ANKS1B: variants seen among roughly 807,000 people sequenced by gnomAD.
The protein encoded by ANKS1B is ankyrin repeat and sterile alpha motif domain-containing protein 1B.
A neutral mutation model predicts 148.3 loss-of-function variants in ANKS1B; 36 were observed. The ratio of observed to expected loss-of-function variants is 0.24; its 90% CI spans 0.19 to 0.32. ANKS1B has a LOEUF of 0.32. Among genes scored for constraint, ANKS1B ranks in the 10% least tolerant of loss-of-function variants. The pLI is 1.00. For missense variants in ANKS1B, 1,157 were observed against 1,542.6 expected, an observed-to-expected ratio of 0.75 and a Z score of 4.19; for synonymous variants, 542 against 560.8, an observed-to-expected ratio of 0.97 and a Z score of 0.47.
chr12:99,531,393 A>C (rs566797450), intron 9 of ANKS1B, among the ~76,000 whole-genome samples: 1 of 152,286 alleles, frequency 6.6e-6, no homozygotes, highest in South Asian at 2.1e-4. Context: ...TCCAGTGTCA[A>C]CTACACCACA....
chr12:99,526,695 T>A (rs1034630244), intron 9 of ANKS1B, among the ~76,000 whole-genome samples: 1 of 152,106 alleles, frequency 6.6e-6, no homozygotes, highest in Admixed American at 6.6e-5. Context: ...AATTTAACAT[T>A]TGAAAACAAA....
intron 8 of ANKS1B, among the ~76,000 whole-genome samples, chr12:99,668,542 T>C (rs2098520868): frequency 6.6e-6 from 1 of 152,136 alleles, no homozygotes; most frequent in Non-Finnish European, 1.5e-5. Context: ...TTTAATATTC[T>C]TGGTTCTTAT....
chr12:98,833,239 C>T (rs199895523), intron 17 of ANKS1B, among the ~76,000 whole-genome samples: 8 of 152,264 alleles, frequency 5.3e-5, no homozygotes, highest in East Asian at 1.9e-4. Flanking sequence ...ACTGTGGTTC[C>T]GAGTGGTTAA....
intron 12 of ANKS1B, among the ~76,000 whole-genome samples, chr12:99,390,645 C>G (rs2094029152): frequency 6.6e-6 from 1 of 152,204 alleles, no homozygotes; most frequent in Non-Finnish European, 1.5e-5. Flanking sequence ...CCAATCCCAT[C>G]TAGATTCTGG....
intron 10 of ANKS1B, among the ~76,000 whole-genome samples, chr12:99,485,419 C>G (rs1162518883): frequency 1.3e-5 from 2 of 152,108 alleles, no homozygotes; most frequent in South Asian, 2.1e-4. Flanking sequence ...TTTTGTCTTA[C>G]TGCTCTTGGA....
rs116966434 is a variant in ANKS1B, at chr12:99,898,851, T to C, written c.135-73462A>G. ...ATGGTGATGATGATGATGATGATGA[T>C]GACGACAACAACAACAACATTTCAC... is the stretch of plus-strand genomic sequence containing the variant. On this transcript the variant is annotated intron_variant, in intron 1 of 26. Coordinates refer to ENST00000683438, the MANE Select transcript of ANKS1B (RefSeq NM_001352186.2). Among the ~76,000 whole-genome samples the C allele has an allele frequency of 2.0e-3, 299 of 152,292 alleles. 9 individuals are homozygous for C. The East Asian group carries it at 0.04, about 21-fold the overall frequency.
At chr12:99,884,922 C>T (rs1425169154) in intron 1 of ANKS1B, among the ~76,000 whole-genome samples, 1 of 151,120 alleles carries the variant, frequency 6.6e-6, no homozygotes. Flanking sequence ...AACAAATTTA[C>T]CTATTTAAAA....
intron 1 of ANKS1B, among the ~76,000 whole-genome samples, chr12:99,889,488 G>C (rs2092991922): frequency 6.6e-6 from 1 of 152,028 alleles, no homozygotes; most frequent in Non-Finnish European, 1.5e-5. Context: ...AGACCTTTTT[G>C]CTTAAAGATT....
chr12:99,246,161 G>A (rs567597591), intron 13 of ANKS1B, 114 bp downstream of exon 13: 19 of 748,338 alleles, frequency 2.5e-5, no homozygotes, highest in African/African-American at 3.6e-5. Flanking sequence ...AGTTGGAGCC[G>A]TATGCTTTTT....
intron 17 of ANKS1B, among the ~76,000 whole-genome samples, chr12:99,050,507 T>C (rs2099965243): frequency 6.6e-6 from 1 of 152,012 alleles, no homozygotes; most frequent in African/African-American, 2.4e-5. Context: ...GAAAATATAC[T>C]GAGTTAGTGG....
At chr12:99,222,305 T>A (rs1174877445) in intron 14 of ANKS1B, among the ~76,000 whole-genome samples, 3 of 152,208 alleles carry the variant, frequency 2.0e-5, no homozygotes. Flanking sequence ...TATAAACTTT[T>A]ATACTTTCTT....
At chr12:98,813,374 T>G (rs1185112040) in intron 19 of ANKS1B, among the ~76,000 whole-genome samples, 1 of 7,404 alleles carries the variant, frequency 1.4e-4, no homozygotes, top group Non-Finnish European at 5.4e-4. Flanking sequence ...ACTTCACCTA[T>G]TTTTTTTTTT....
intron 17 of ANKS1B, among the ~76,000 whole-genome samples, chr12:98,867,386 C>T (rs57945485): frequency 1.6e-3 from 240 of 152,294 alleles, no homozygotes; most frequent in African/African-American, 5.3e-3. Flanking sequence ...ATTTCCTACA[C>T]GTGACAACAA....
At chr12:99,538,339 T>G (rs2097093279) in intron 9 of ANKS1B, among the ~76,000 whole-genome samples, 3 of 152,122 alleles carry the variant, frequency 2.0e-5, no homozygotes, top group Admixed American at 6.6e-5. Flanking sequence ...ATCTGTACAT[T>G]TCTTTGGGTA....
chr12:98,825,637 T>C (rs1344202940), intron 19 of ANKS1B, among the ~76,000 whole-genome samples: 8 of 152,208 alleles, frequency 5.3e-5, no homozygotes, highest in Admixed American at 5.2e-4. Flanking sequence ...ATAAATGGCT[T>C]AACTTGCAGC....
intron 17 of ANKS1B, among the ~76,000 whole-genome samples, chr12:98,990,493 A>G (rs1352784042): frequency 1.3e-5 from 2 of 151,118 alleles, no homozygotes; most frequent in African/African-American, 2.4e-5. Flanking sequence ...AGGGTGTAGT[A>G]TGGCCTGGAG....
intron 9 of ANKS1B, among the ~76,000 whole-genome samples, chr12:99,507,106 A>G (rs1358673675): frequency 3.3e-5 from 5 of 151,928 alleles, no homozygotes; most frequent in Non-Finnish European, 7.4e-5. Context: ...ATTTTTTTTC[A>G]AATGTAAATT....
chr12:99,856,982 G>C (rs959202613), intron 1 of ANKS1B, among the ~76,000 whole-genome samples: 2 of 152,140 alleles, frequency 1.3e-5, no homozygotes, highest in African/African-American at 2.4e-5. Flanking sequence ...ACATGACAAG[G>C]ATGCCCACTC....
intron 14 of ANKS1B, among the ~76,000 whole-genome samples, chr12:99,196,441 A>G (rs1404438353): frequency 6.6e-6 from 1 of 152,096 alleles, no homozygotes; most frequent in Non-Finnish European, 1.5e-5. Context: ...TGTCACCTGG[A>G]AGACTGCAAT....
Sources: gnomAD v4.1 joint callset for allele counts (sites outside exome capture counted in the v4.1 genomes callset) on GRCh38, gnomAD v4.1.1 for gene constraint, MANE v1.5 for transcripts, NCBI Gene and HGNC (gene_info 2026-07-23, HGNC 2026-07-21) for gene names.